The following SGCZ variants were observed in gnomAD, a reference collection of about 807,000 sequenced individuals.
The protein encoded by SGCZ is zeta-sarcoglycan.
A neutral mutation model predicts 41.3 loss-of-function variants in SGCZ; 40 were observed. The ratio of observed to expected loss-of-function variants is 0.97; its 90% CI spans 0.75 to 1.26. The LOEUF (loss-of-function observed/expected upper bound fraction) is 1.26, where lower values mean the gene tolerates loss of function less well. Among genes scored for constraint, SGCZ ranks in the 50% most tolerant of loss-of-function variants. The pLI, the probability that SGCZ is intolerant of heterozygous loss-of-function variation, is 0.00. For missense variants in SGCZ, 552 were observed against 369.8 expected, an observed-to-expected ratio of 1.49 and a Z score of -4.04; for synonymous variants, 206 against 137.5, an observed-to-expected ratio of 1.50 and a Z score of -3.49.
intron 1 of SGCZ, among the ~76,000 whole-genome samples, chr8:14,606,875 A>C (rs535255132): frequency 6.6e-6 from 1 of 152,272 alleles, no homozygotes; most frequent in South Asian, 2.1e-4. Context: ...AAGTTTTTAC[A>C]GTTAAGACTA....
At chr8:14,267,206 T>C (rs890904654) in intron 3 of SGCZ, among the ~76,000 whole-genome samples, 5 of 152,088 alleles carry the variant, frequency 3.3e-5, no homozygotes, top group African/African-American at 7.2e-5. Flanking sequence ...CTTGACAATA[T>C]GCATACTGGG....
At position 14,425,446 on chromosome 8, in the gene SGCZ, C is replaced by T. The variant is rs149378205; in HGVS notation, c.235-101242G>A. On this transcript the variant is annotated intron_variant, in intron 2 of 7. Transcript: ENST00000382080. ...GACCAGTCTGGCCAACATGATGAAA[C>T]CCCATCTCTACTAAAAATACAAAAA... 2.6e-3 allele frequency among the ~76,000 whole-genome samples: 400 copies of T among 152,016 alleles called. 4 individuals carry two copies. The highest frequency in any genetic ancestry group is 0.023 in the Admixed American group (354 of 15,264).
chr8:14,838,179 G>A (rs893025648), intron 1 of SGCZ, among the ~76,000 whole-genome samples: 4 of 152,048 alleles, frequency 2.6e-5, no homozygotes, highest in African/African-American at 9.7e-5. Flanking sequence ...AGTGGGAAGG[G>A]AGCAAAAAGA....
chr8:14,154,694 T>C lies in SGCZ; in HGVS notation c.547+9886A>G, dbSNP rs1803824194. Among the ~76,000 whole-genome samples the C allele has an allele frequency of 2.6e-5, 4 of 152,144 alleles. No homozygotes were observed. In the South Asian group the frequency reaches 8.3e-4, roughly 32 times the overall value. Reference sequence around the variant, plus strand: ...TCTACAAGTTCTTTAGCGCTCCTTTTATAAAATGGTAGAGGCTGTTTCAGA... The same window carrying C: ...TCTACAAGTTCTTTAGCGCTCCTTTCATAAAATGGTAGAGGCTGTTTCAGA... On this transcript the variant is annotated intron_variant, in intron 5 of 7. Transcript: ENST00000382080.
chr8:14,987,223 G>T (rs945731593), intron 1 of SGCZ, among the ~76,000 whole-genome samples: 1 of 151,734 alleles, frequency 6.6e-6, no homozygotes. Flanking sequence ...GTACATTATA[G>T]ATAAGAATGA....
intron 1 of SGCZ, among the ~76,000 whole-genome samples, chr8:14,731,233 C>T (rs922176446): frequency 2.0e-5 from 3 of 151,630 alleles, no homozygotes; most frequent in Non-Finnish European, 2.9e-5. Flanking sequence ...ATGTCCTTTG[C>T]AGGGACATGG....
At chr8:14,506,502 TA>T (rs79155085) in intron 2 of SGCZ, among the ~76,000 whole-genome samples, 25 of 149,438 alleles carry the variant, frequency 1.7e-4, no homozygotes, top group South Asian at 2.1e-4. Flanking sequence ...CTTATTCATT[TA>T]AAAAAAAAAA....
intron 1 of SGCZ, among the ~76,000 whole-genome samples, chr8:14,697,521 A>C (rs1241631828): frequency 6.6e-6 from 1 of 152,092 alleles, no homozygotes; most frequent in African/African-American, 2.4e-5. Flanking sequence ...TGTAGTTAAA[A>C]AGTGTATAAA....
At chr8:15,095,316 C>T (rs1324677850) in intron 1 of SGCZ, among the ~76,000 whole-genome samples, 1 of 152,090 alleles carries the variant, frequency 6.6e-6, no homozygotes, top group Non-Finnish European at 1.5e-5. Context: ...CCAAGCTGAT[C>T]TCAAATTCCT....
intron 1 of SGCZ, among the ~76,000 whole-genome samples, chr8:14,722,441 G>T (rs1809916346): frequency 6.6e-6 from 1 of 151,724 alleles, no homozygotes; most frequent in Non-Finnish European, 1.5e-5. Context: ...ATTTATTAAG[G>T]AATACTTTAT....
At chr8:14,904,835 T>C (rs1006810725) in intron 1 of SGCZ, among the ~76,000 whole-genome samples, 2 of 152,020 alleles carry the variant, frequency 1.3e-5, no homozygotes, top group African/African-American at 2.4e-5. Flanking sequence ...ATTTTCTCTA[T>C]AATCTTATTC....
At chr8:14,853,425 G>A (rs374979689) in intron 1 of SGCZ, 6 of 531,680 alleles carry the variant, frequency 1.1e-5, no homozygotes, top group Non-Finnish European at 2.3e-5. Flanking sequence ...TGAGGTAAAG[G>A]CTAGGACACT....
At chr8:14,679,035 G>A (rs1201749069) in intron 1 of SGCZ, among the ~76,000 whole-genome samples, 1 of 152,102 alleles carries the variant, frequency 6.6e-6, no homozygotes, top group African/African-American at 2.4e-5. Context: ...TTATAATGAA[G>A]CTCAAAAATT....
intron 1 of SGCZ, among the ~76,000 whole-genome samples, chr8:14,604,896 A>G (rs1197949064): frequency 6.6e-6 from 1 of 152,206 alleles, no homozygotes; most frequent in Admixed American, 6.5e-5. Flanking sequence ...CCTTTCAGTA[A>G]CAGTTACTAC....
intron 5 of SGCZ, among the ~76,000 whole-genome samples, chr8:14,121,740 T>G (rs185636014): frequency 7.9e-5 from 12 of 152,316 alleles, no homozygotes; most frequent in Admixed American, 6.5e-4. Flanking sequence ...AACCAAAAAT[T>G]TGAGTTCCAG....
rs1585193418 is a variant in SGCZ, at chr8:14,164,639, A to G, written c.488T>C (p.Val163Ala). ...CTCATCTTCATCTGCAGAAAACAGC[A>G]CCCTGCCATCTTCACTGGCTCTCAC... The part of the protein sequence containing the change: ...FEVRASEDGR[V>A]LFSADEDEIT... Residue 163 changes from valine (V) to alanine (A), a missense_variant, in exon 5 of 8, where the codon GTG becomes GCG. Physicochemically the swap from Val to Ala is moderately conservative, Grantham distance 64. Coordinates refer to ENST00000382080, the MANE Select transcript of SGCZ (RefSeq NM_139167.4). 3.7e-6 allele frequency: 6 copies of G among 1,613,574 alleles called. No individual in the cohort carries two copies. In the East Asian group the frequency reaches 1.3e-4, roughly 36 times the overall value.
At chr8:14,681,452 G>C (rs937190799) in intron 1 of SGCZ, among the ~76,000 whole-genome samples, 1 of 152,146 alleles carries the variant, frequency 6.6e-6, no homozygotes, top group Non-Finnish European at 1.5e-5. Flanking sequence ...ATCATGTATA[G>C]GTTAATTTCA....
At chr8:15,048,544 G>A (rs1458400427) in intron 1 of SGCZ, among the ~76,000 whole-genome samples, 2 of 152,038 alleles carry the variant, frequency 1.3e-5, no homozygotes, top group Non-Finnish European at 2.9e-5. Flanking sequence ...CAATTATCCT[G>A]ACTTGATCAT....
rs565038919 is a variant in SGCZ, at chr8:14,192,961, T to C, written c.425-28259A>G. 7.2e-4 allele frequency among the ~76,000 whole-genome samples: 110 copies of C among 152,040 alleles called. 1 individual carries two copies. Among genetic ancestry groups the C allele is most frequent in the Non-Finnish European group, 1.4e-3 (96 of 67,902 alleles). ...ATTCAAAGGTATGATTAAATCTTTT[T>C]AAAGTTGCCACAGTTACATATATGC... On this transcript the variant is annotated intron_variant, in intron 4 of 7. Coordinates refer to ENST00000382080, the MANE Select transcript of SGCZ (RefSeq NM_139167.4).
Sources: allele counts gnomAD v4.1 joint callset (sites outside exome capture counted in the v4.1 genomes callset), GRCh38; gene constraint gnomAD v4.1.1; transcripts MANE v1.5; gene names NCBI Gene and HGNC (gene_info 2026-07-23, HGNC 2026-07-21).